The following PAGE3 variants were observed in gnomAD, a reference collection of about 807,000 sequenced individuals.
PAGE3 encodes PAGE family member 3, also known as P antigen family member 3.
PAGE3 carries 9 observed loss-of-function variants against 3.8 expected under a neutral mutation model. The observed-to-expected ratio is 2.36, with a 90% CI of 1.42 to 4.12. The LOEUF is 4.12. Ranked by LOEUF, PAGE3 falls within the 30% of genes most tolerant of loss-of-function variation. PAGE3 has a pLI of 0.00. For synonymous variants in PAGE3, 24 were observed against 13.1 expected (o/e 1.83, Z -1.79); for missense variants, 73 against 37.8 (o/e 1.93, Z -2.44).
intron 4 of PAGE3, among the ~76,000 whole-genome samples, chrX:55,259,051 T>C (rs1177896093): frequency 8.9e-6 from 1 of 111,846 alleles, no homozygotes; most frequent in African/African-American, 3.2e-5. Flanking sequence ...TATATGGTTG[T>C]TTTAAGTAGG....
intron 4 of PAGE3, 105 bp downstream of exon 4, chrX:55,260,429 A>G (rs929814283): frequency 2.4e-6 from 1 of 409,217 alleles, no homozygotes; most frequent in Non-Finnish European, 4.3e-6. Context: ...TTATATATGA[A>G]CTCTGTTAAA....
intron 2 of PAGE3, among the ~76,000 whole-genome samples, chrX:55,263,576 A>T (rs1466245027): frequency 9.0e-6 from 1 of 111,578 alleles, no homozygotes; most frequent in Non-Finnish European, 1.9e-5. Context: ...GCTGGAATTG[A>T]TGTATACAAT....
intron 1 of PAGE3, 76 bp downstream of exon 1, chrX:55,264,470 C>T (rs1014274362): frequency 9.0e-6 from 1 of 111,403 alleles, no homozygotes; most frequent in African/African-American, 3.3e-5. Flanking sequence ...GCCCACCTCG[C>T]CCTGCCACTG....
In PAGE3 at chrX:55,263,549, A is replaced by G. The variant is rs185846706; in HGVS notation, c.85-190T>C. Among the ~76,000 whole-genome samples the G allele has an allele frequency of 2.2e-3, 247 of 111,726 alleles. 1 individual carries two copies. Among genetic ancestry groups the G allele is most frequent in the African/African-American group, 7.7e-3 (236 of 30,742 alleles). ...AGAAAGTTACCCTTAAAAACTTGGG[A>G]AGCTATTTGAATCCAGGCTGGAATT... On this transcript the variant is annotated intron_variant, in intron 2 of 4. Coordinates refer to ENST00000374951, the MANE Select transcript of PAGE3 (RefSeq NM_001017931.3).
At chrX:55,263,154 C>A in intron 3 of PAGE3, 97 bp downstream of exon 3, 1 of 437,041 alleles carries the variant, frequency 2.3e-6, no homozygotes, top group Non-Finnish European at 4.1e-6. Context: ...AGATCTCTTT[C>A]TATTGCTTTT....
intron 3 of PAGE3, among the ~76,000 whole-genome samples, chrX:55,262,052 C>T (rs1336947157): frequency 1.8e-5 from 2 of 111,195 alleles, no homozygotes; most frequent in East Asian, 2.8e-4. Flanking sequence ...ACAGCAAAAT[C>T]GTTGACTTCC....
intron 1 of PAGE3, 80 bp from the exon 2 acceptor site, chrX:55,263,991 A>G (rs903679040): frequency 1.1e-5 from 5 of 459,335 alleles, no homozygotes; most frequent in Non-Finnish European, 1.9e-5. Flanking sequence ...ATTGGAAAGC[A>G]TGCAAGCTCA....
chrX:55,261,698 T>TA (rs1938291803), intron 3 of PAGE3, among the ~76,000 whole-genome samples: 1 of 111,089 alleles, frequency 9.0e-6, no homozygotes, highest in African/African-American at 3.3e-5. Context: ...ACCTCCATTT[T>TA]AAATGACATT....
intron 1 of PAGE3, among the ~76,000 whole-genome samples, chrX:55,264,329 C>T (rs921331977): frequency 9.0e-6 from 1 of 110,816 alleles, no homozygotes; most frequent in Non-Finnish European, 1.9e-5. Context: ...ATGTCAGTGG[C>T]GGAGGTGTGA....
In PAGE3 at chrX:55,260,584, ACATTAGGAC is replaced by A. The variant is rs1938271853; in HGVS notation, c.260_268del (p.Gly87_Asn89del). The A allele has an allele frequency of 1.8e-6, 1 of 564,776 alleles. No individual in the cohort carries two copies. The highest frequency in any genetic ancestry group is 3.3e-6 in the Non-Finnish European group (1 of 307,010). The allele number at this position is 564,776 out of a possible 1,213,427, so 46.5% of individuals were successfully genotyped here. ...CAGATTTGGCAGAAATTCTCCCTTG[ACATTAGGAC>A]CATCTCCACGTTCACCCCCAGTCTT... On this transcript the variant is annotated inframe_deletion, in exon 4 of 5. Coordinates refer to ENST00000374951, the MANE Select transcript of PAGE3 (RefSeq NM_001017931.3).
intron 4 of PAGE3, 119 bp downstream of exon 4, chrX:55,260,415 A>G (rs1235848176): frequency 2.6e-6 from 1 of 382,207 alleles, no homozygotes; most frequent in East Asian, 4.7e-5. Flanking sequence ...CTTTCAAAGA[A>G]TCTTTATATA....
In PAGE3 at chrX:55,263,831, C is replaced by T. The variant is rs775868347; in HGVS notation, c.73G>A (p.Gly25Arg). Residue 25 changes from glycine (G) to arginine (R), a missense_variant, in exon 2 of 5, where the codon GGG becomes AGG. By Grantham distance (125) the Gly-to-Arg change is moderately radical. Coordinates refer to ENST00000374951, the MANE Select transcript of PAGE3 (RefSeq NM_001017931.3). ...RDDQDSNHPV[G>R]AVVAQELPSN... ...GTTAAAATACTCACAACCACAGCCC[C>T]TACTGGATGATTAGAGTCTTGATCA... 12 of 568,041 alleles carry T rather than the reference C, an allele frequency of 2.1e-5. No homozygotes were observed. The highest frequency in any genetic ancestry group is 3.9e-5 in the Non-Finnish European group (12 of 308,829). The allele number at this position is 568,041 out of a possible 1,213,427, so 46.8% of individuals were successfully genotyped here. A position where few individuals can be genotyped will look rare whatever the true frequency, so the allele number is the denominator to read the frequency against.
chrX:55,259,562 T>C (rs775519864), intron 4 of PAGE3, among the ~76,000 whole-genome samples: 1 of 110,902 alleles, frequency 9.0e-6, no homozygotes, highest in East Asian at 2.8e-4. Context: ...TCCTGTCTTG[T>C]TCCTATTTTT....
rs771711717 is a variant in PAGE3 at position 55,260,602 on chromosome X, C to T, written c.251G>A (p.Arg84His). The change falls in exon 4 of 5, where the codon CGT (arginine) becomes CAT (histidine). Residue 84 changes from arginine (R) to histidine (H), a missense_variant. Coordinates refer to ENST00000374951, the MANE Select transcript of PAGE3 (RefSeq NM_001017931.3). ...ELTRSKTGGE[R>H]GDGPNVKGEF... ...TCCCTTGACATTAGGACCATCTCCA[C>T]GTTCACCCCCAGTCTTTGACCGAGT... The T allele has an allele frequency of 1.8e-6, 1 of 565,745 alleles. No individual in the cohort carries two copies. The highest frequency in any genetic ancestry group is 3.3e-6 in the Non-Finnish European group (1 of 306,729). The allele number at this position is 565,745 out of a possible 1,213,427, so 46.6% of individuals were successfully genotyped here. A position where few individuals can be genotyped will look rare whatever the true frequency, so the allele number is the denominator to read the frequency against.
chrX:55,264,658 G>A lies in PAGE3; in HGVS notation c.-121C>T, dbSNP rs1601964443. The A allele has an allele frequency of 8.9e-6, 1 of 112,029 alleles. No homozygotes were observed. The highest frequency in any genetic ancestry group is 3.8e-4 in the South Asian group (1 of 2,635). The allele number at this position is 112,029 out of a possible 1,213,427, so 9.2% of individuals were successfully genotyped here. A position where few individuals can be genotyped will look rare whatever the true frequency, so the allele number is the denominator to read the frequency against. Reference sequence around the variant, plus strand: ...CGACGACAAAGGCCCATGGGGCGTCGCGACCTGGGAGGAGCCGGACGTCGA... The same window carrying A: ...CGACGACAAAGGCCCATGGGGCGTCACGACCTGGGAGGAGCCGGACGTCGA... On this transcript the variant is annotated 5_prime_UTR_variant, in exon 1 of 5. Coordinates refer to ENST00000374951, the MANE Select transcript of PAGE3 (RefSeq NM_001017931.3).
chrX:55,264,664 T>C lies in PAGE3; in HGVS notation c.-127A>G, dbSNP rs1938357811. ...CAAAGGCCCATGGGGCGTCGCGACC[T>C]GGGAGGAGCCGGACGTCGACGGCGA... is the stretch of plus-strand genomic sequence containing the variant. On this transcript the variant is annotated 5_prime_UTR_variant, in exon 1 of 5. Transcript: ENST00000374951. The C allele has an allele frequency of 8.9e-6, 1 of 112,011 alleles. No individual in the cohort carries two copies. The highest frequency in any genetic ancestry group is 1.9e-5 in the Non-Finnish European group (1 of 53,187). 9.2% of individuals were successfully genotyped at this position (112,011 alleles called of 1,213,427 possible). A position where few individuals can be genotyped will look rare whatever the true frequency, so the allele number is the denominator to read the frequency against.
intron 3 of PAGE3, among the ~76,000 whole-genome samples, chrX:55,261,078 T>C (rs895124531): frequency 2.7e-5 from 3 of 111,478 alleles, no homozygotes; most frequent in Non-Finnish European, 5.7e-5. Flanking sequence ...GAAAAAAAAG[T>C]ATTTAAAAAT....
intron 4 of PAGE3, among the ~76,000 whole-genome samples, chrX:55,258,740 G>T (rs984010264): frequency 9.0e-6 from 1 of 110,586 alleles, no homozygotes; most frequent in Non-Finnish European, 1.9e-5. Flanking sequence ...TTTTTCTAGT[G>T]TATAAGAAAG....
intron 4 of PAGE3, among the ~76,000 whole-genome samples, chrX:55,260,204 T>C (rs1036390656): frequency 3.6e-5 from 4 of 111,966 alleles, no homozygotes; most frequent in Non-Finnish European, 7.5e-5. Flanking sequence ...ATACAGTGAA[T>C]ATCTGTTACA....
Sources: allele counts gnomAD v4.1 joint callset (sites outside exome capture counted in the v4.1 genomes callset), GRCh38; gene constraint gnomAD v4.1.1; transcripts MANE v1.5; gene names NCBI Gene and HGNC (gene_info 2026-07-23, HGNC 2026-07-21).